Variants in SYT1 observed in about 807,000 individuals in gnomAD.
SYT1 encodes synaptotagmin 1.
In SYT1, 8 loss-of-function variants were observed where a neutral mutation model predicts 44.8. The observed-to-expected ratio is 0.18, with a 90% CI of 0.10 to 0.32. The LOEUF (loss-of-function observed/expected upper bound fraction) is 0.32, where lower values mean the gene tolerates loss of function less well. Ranked by LOEUF, SYT1 falls within the 10% of genes least tolerant of loss-of-function variation. The pLI is 1.00. For synonymous variants in SYT1, 154 were observed against 188.8 expected (o/e 0.82, Z 1.51); for missense variants, 286 against 509.3 (o/e 0.56, Z 4.22).
chr12:79,074,851 T>C (rs556527633), intron 3 of SYT1, among the ~76,000 whole-genome samples: 1 of 152,300 alleles, frequency 6.6e-6, no homozygotes, highest in East Asian at 1.9e-4. Flanking sequence ...TTGGCAGGGC[T>C]GAGACACTTA....
intron 3 of SYT1, among the ~76,000 whole-genome samples, chr12:79,059,956 AAGTCTG>A (rs1177820325): frequency 2.0e-5 from 3 of 152,110 alleles, no homozygotes; most frequent in African/African-American, 7.2e-5. Flanking sequence ...ATGCAGACTA[AAGTCTG>A]TGTAATGCTA....
In SYT1 at chr12:79,318,280, ACT is replaced by A. The variant is rs142352215; in HGVS notation, c.810+18734_810+18735del. On this transcript the variant is annotated intron_variant, in intron 8 of 10. Transcript: ENST00000261205. Reference sequence around the variant, plus strand: ...GTTTAATAGTCACCGGGTGACCCGTACTCTCTTCTAAATTCCTCAAATAAGGA... The same window carrying A: ...GTTTAATAGTCACCGGGTGACCCGTACTCTTCTAAATTCCTCAAATAAGGA... 3.6e-3 allele frequency among the ~76,000 whole-genome samples: 549 copies of A among 152,186 alleles called. 6 individuals are homozygous for A. The highest frequency in any genetic ancestry group is 0.013 in the African/African-American group (538 of 41,514).
chr12:79,446,234 C>T (rs200260320), intron 10 of SYT1, among the ~76,000 whole-genome samples: 10 of 151,580 alleles, frequency 6.6e-5, no homozygotes, highest in African/African-American at 1.2e-4. Context: ...CTTGGAACAG[C>T]GCCCAATACA....
chr12:79,159,064 A>G (rs1052304537), intron 3 of SYT1, among the ~76,000 whole-genome samples: 3 of 152,152 alleles, frequency 2.0e-5, no homozygotes, highest in Non-Finnish European at 2.9e-5. Context: ...AAGGCGGGGA[A>G]ATTACATTAG....
intron 1 of SYT1, among the ~76,000 whole-genome samples, chr12:78,915,586 G>A (rs1369896378): frequency 6.6e-6 from 1 of 151,872 alleles, no homozygotes; most frequent in Non-Finnish European, 1.5e-5. Context: ...TCTTATATAT[G>A]TATTTGTCTG....
intron 9 of SYT1, among the ~76,000 whole-genome samples, chr12:79,424,862 A>T: frequency 1.4e-5 from 2 of 143,996 alleles, no homozygotes; most frequent in East Asian, 2.1e-4. Context: ...TAAATTTGTT[A>T]TCCATTAATC....
intron 8 of SYT1, among the ~76,000 whole-genome samples, chr12:79,324,664 C>T (rs370792361): frequency 1.3e-5 from 2 of 152,064 alleles, no homozygotes; most frequent in Non-Finnish European, 2.9e-5. Flanking sequence ...AGCACCCCTG[C>T]GGTGCATCTG....
intron 1 of SYT1, among the ~76,000 whole-genome samples, chr12:78,876,659 G>GTGCACATGTGTACATGTGTGTATATATA (rs1874097737): frequency 1.7e-5 from 2 of 114,960 alleles, no homozygotes; most frequent in African/African-American, 7.6e-5. Flanking sequence ...ATACACACGT[G>GTGCACATGTGTACATGTGTGTATATATA]TGCACATGTG....
At chr12:79,021,330 C>A (rs766315586) in intron 2 of SYT1, among the ~76,000 whole-genome samples, 3 of 151,770 alleles carry the variant, frequency 2.0e-5, no homozygotes, top group Non-Finnish European at 4.4e-5. Context: ...AAAATAGGAA[C>A]CATTTCTTTT....
chr12:78,957,110 C>G (rs543254652), intron 1 of SYT1, among the ~76,000 whole-genome samples: 58 of 152,268 alleles, frequency 3.8e-4, no homozygotes, highest in African/African-American at 1.3e-3. Flanking sequence ...GGGCAAACAT[C>G]TGCTTAGTTT....
intron 9 of SYT1, among the ~76,000 whole-genome samples, chr12:79,370,729 C>G (rs965434097): frequency 2.0e-5 from 3 of 151,886 alleles, no homozygotes; most frequent in Non-Finnish European, 2.9e-5. Flanking sequence ...CGCCACTGCA[C>G]TCCAGCCTGG....
chr12:79,142,109 A>C (rs188453044), intron 3 of SYT1, among the ~76,000 whole-genome samples: 1 of 152,350 alleles, frequency 6.6e-6, no homozygotes, highest in East Asian at 1.9e-4. Flanking sequence ...GTGCCTGTGC[A>C]TATCTCAAGA....
At position 78,948,570 on chromosome 12, in the gene SYT1, T is replaced by G. The variant is rs900886785; in HGVS notation, c.-216-29229T>G. On this transcript the variant is annotated intron_variant, in intron 1 of 10. Transcript: ENST00000261205. Reference sequence around the variant, plus strand: ...ATTCATTCTGCTTATTAATTTAGACTTCACAGATAAAAATTTGCATTTAAT... The same window carrying G: ...ATTCATTCTGCTTATTAATTTAGACGTCACAGATAAAAATTTGCATTTAAT... Among the ~76,000 whole-genome samples, 153 of 152,166 alleles carry G rather than the reference T, an allele frequency of 1.0e-3. 1 individual carries two copies. Among genetic ancestry groups the G allele is most frequent in the African/African-American group, 3.4e-3 (143 of 41,578 alleles).
intron 10 of SYT1, among the ~76,000 whole-genome samples, chr12:79,446,844 T>C (rs2136207809): frequency 6.6e-6 from 1 of 152,290 alleles, no homozygotes; most frequent in East Asian, 1.9e-4. Flanking sequence ...ATTTATTCAG[T>C]GAACTTTTTT....
intron 4 of SYT1, among the ~76,000 whole-genome samples, chr12:79,222,404 A>G (rs1236231796): frequency 2.0e-5 from 1 of 50,410 alleles, no homozygotes; most frequent in Non-Finnish European, 4.3e-5. Flanking sequence ...CTTTTTTTTG[A>G]TGGAGTTTTG....
At chr12:79,154,553 T>C (rs963124417) in intron 3 of SYT1, among the ~76,000 whole-genome samples, 1 of 151,826 alleles carries the variant, frequency 6.6e-6, no homozygotes, top group Non-Finnish European at 1.5e-5. Context: ...GTAGAGATAA[T>C]GGGGGGAAAA....
intron 5 of SYT1, among the ~76,000 whole-genome samples, chr12:79,291,485 A>C (rs550776262): frequency 6.6e-6 from 1 of 152,180 alleles, no homozygotes; most frequent in Non-Finnish European, 1.5e-5. Flanking sequence ...ATAAATGTAT[A>C]TGTGAAACAC....
chr12:79,196,241 C>T (rs1399730249), intron 3 of SYT1, among the ~76,000 whole-genome samples: 1 of 152,016 alleles, frequency 6.6e-6, no homozygotes, highest in Non-Finnish European at 1.5e-5. Flanking sequence ...GATCTCGGCT[C>T]ACTGCAACCT....
intron 3 of SYT1, among the ~76,000 whole-genome samples, chr12:79,182,635 G>T (rs1242373000): frequency 2.6e-5 from 4 of 152,040 alleles, no homozygotes; most frequent in African/African-American, 7.2e-5. Context: ...ACATATTGCA[G>T]TTAATTGCAT....
Sources: allele counts gnomAD v4.1 joint callset (sites outside exome capture counted in the v4.1 genomes callset), GRCh38; gene constraint gnomAD v4.1.1; transcripts MANE v1.5; gene names NCBI Gene and HGNC (gene_info 2026-07-23, HGNC 2026-07-21).